NEK10: variants seen among roughly 807,000 people sequenced by gnomAD.
NEK10 encodes the protein serine/threonine-protein kinase Nek10.
A neutral mutation model predicts 159.8 loss-of-function variants in NEK10; 122 were observed. That is an observed-to-expected ratio of 0.76 (90% CI 0.66 to 0.89). The LOEUF is 0.89. NEK10 is among the 40% of genes least tolerant of loss of function. The pLI is 0.00. For synonymous variants in NEK10, 466 were observed against 457.1 expected (o/e 1.02, Z -0.25); for missense variants, 1,342 against 1,323.1 (o/e 1.01, Z -0.22).
chr3:27,362,493 A>C (rs143002623), intron 1 of NEK10, among the ~76,000 whole-genome samples: 123 of 152,174 alleles, frequency 8.1e-4, no homozygotes, highest in African/African-American at 2.8e-3. Context: ...TAGAGTGTCC[A>C]TGGAATTCAA....
chr3:27,116,240 T>C (rs1940407604), intron 33 of NEK10, 113 bp from the exon 34 acceptor site: 3 of 920,206 alleles, frequency 3.3e-6, no homozygotes, highest in Non-Finnish European at 3.4e-6. Context: ...TTCTTAATGA[T>C]AAAGATGGAA....
At chr3:27,243,331 G>C (rs1176706386) in intron 23 of NEK10, among the ~76,000 whole-genome samples, 1 of 152,144 alleles carries the variant, frequency 6.6e-6, no homozygotes, top group Non-Finnish European at 1.5e-5. Context: ...AAGGTCACTT[G>C]GAGTAACTCA....
chr3:27,266,056 C>T (rs966856306), intron 22 of NEK10, among the ~76,000 whole-genome samples: 33 of 152,206 alleles, frequency 2.2e-4, no homozygotes, highest in South Asian at 4.1e-4. Context: ...CCACCTGCCT[C>T]GGCCTCCCAA....
intron 32 of NEK10, among the ~76,000 whole-genome samples, chr3:27,128,748 C>A (rs967525049): frequency 2.1e-4 from 32 of 151,912 alleles, no homozygotes; most frequent in African/African-American, 7.5e-4. Flanking sequence ...CCAGTGGGAG[C>A]CTCTTCAATT....
intron 23 of NEK10, among the ~76,000 whole-genome samples, chr3:27,240,415 T>C (rs1407912030): frequency 1.3e-5 from 2 of 151,624 alleles, no homozygotes; most frequent in African/African-American, 4.8e-5. Flanking sequence ...TAAATAATTA[T>C]GGTGATTTCA....
chr3:27,159,959 G>A (rs1482540763), intron 30 of NEK10, among the ~76,000 whole-genome samples: 3 of 149,828 alleles, frequency 2.0e-5, no homozygotes, highest in Admixed American at 1.4e-4. Context: ...CTCTGATTTT[G>A]GCAAAATTCT....
chr3:27,254,855 G>A (rs542544188), intron 23 of NEK10, among the ~76,000 whole-genome samples: 42 of 151,372 alleles, frequency 2.8e-4, no homozygotes, highest in Non-Finnish European at 5.6e-4. Context: ...CGCTAATACG[G>A]CAAAAAAGTT....
intron 22 of NEK10, among the ~76,000 whole-genome samples, chr3:27,263,354 G>A (rs1051327295): frequency 2.0e-5 from 3 of 152,178 alleles, no homozygotes; most frequent in African/African-American, 7.2e-5. Flanking sequence ...TGTCAGACAG[G>A]GACATTTAAG....
intron 25 of NEK10, chr3:27,194,443 CAG>C (rs1354214816): frequency 6.6e-6 from 1 of 152,100 alleles, no homozygotes; most frequent in African/African-American, 2.4e-5. Flanking sequence ...GCAACTGAAT[CAG>C]AGTCATAATA....
At chr3:27,217,277 G>A (rs931523113) in intron 23 of NEK10, among the ~76,000 whole-genome samples, 15 of 152,100 alleles carry the variant, frequency 9.9e-5, no homozygotes, top group African/African-American at 3.6e-4. Flanking sequence ...CTCTCGCATT[G>A]CTATAAAGAA....
chr3:27,220,066 T>C (rs545033544), intron 23 of NEK10, among the ~76,000 whole-genome samples: 1 of 152,322 alleles, frequency 6.6e-6, no homozygotes, highest in East Asian at 1.9e-4. Flanking sequence ...GAAAAAAGTT[T>C]TTTAAAAAAG....
intron 23 of NEK10, among the ~76,000 whole-genome samples, chr3:27,247,399 T>C (rs1955181219): frequency 6.6e-6 from 1 of 152,226 alleles, no homozygotes; most frequent in Non-Finnish European, 1.5e-5. Flanking sequence ...GTTGTTGTCC[T>C]CCAGTCTGTT....
chr3:27,131,729 C>T (rs1042740436), intron 32 of NEK10, 151 bp downstream of exon 32: 18 of 411,470 alleles, frequency 4.4e-5, no homozygotes, highest in African/African-American at 3.5e-4. Flanking sequence ...AAATCAGAAG[C>T]AAAGACATAT....
chr3:27,278,603 T>C, intron 22 of NEK10: 1 of 671,798 alleles, frequency 1.5e-6, no homozygotes, highest in Non-Finnish European at 1.8e-6. Context: ...GTTTGCAAGA[T>C]GAACATGTGA....
chr3:27,297,667 A>T (rs950018790), intron 13 of NEK10, among the ~76,000 whole-genome samples: 1 of 152,240 alleles, frequency 6.6e-6, no homozygotes, highest in African/African-American at 2.4e-5. Context: ...ATGCACTGTG[A>T]TTACCACTGT....
chr3:27,143,568 C>T lies in NEK10; in HGVS notation c.2870-1986G>A, dbSNP rs189410458. 2.1e-4 allele frequency: 133 copies of T among 636,824 alleles called. No individual in the cohort carries two copies. In the African/African-American group the frequency reaches 2.2e-3, roughly 11 times the overall value. 39.4% of individuals were successfully genotyped at this position (636,824 alleles called of 1,614,324 possible). A position where few individuals can be genotyped will look rare whatever the true frequency, so the allele number is the denominator to read the frequency against. On this transcript the variant is annotated intron_variant, in intron 30 of 35. Coordinates refer to ENST00000691995, the MANE Select transcript of NEK10 (RefSeq NM_001394966.1). ...AACTCAAAAATTATTTTTATTGAGA[C>T]CCTTTGACCACTACCCTCACAATCC...
intron 6 of NEK10, among the ~76,000 whole-genome samples, chr3:27,317,954 C>T (rs1037634662): frequency 1.3e-5 from 2 of 152,160 alleles, no homozygotes; most frequent in Non-Finnish European, 2.9e-5. Flanking sequence ...AGGCGCCCGC[C>T]ACCACGCCCG....
chr3:27,356,550 T>G (rs1000929341), intron 1 of NEK10, among the ~76,000 whole-genome samples: 4 of 152,162 alleles, frequency 2.6e-5, no homozygotes, highest in African/African-American at 9.7e-5. Flanking sequence ...GTCTGTAGTA[T>G]TCTATCATAG....
At chr3:27,304,607 T>A in intron 12 of NEK10, 140 bp downstream of exon 12, 1 of 638,652 alleles carries the variant, frequency 1.6e-6, no homozygotes, top group Non-Finnish European at 2.9e-6. Context: ...CAAGTCTAGA[T>A]GACTTTGGAA....
Sources: gnomAD v4.1 joint callset for allele counts (sites outside exome capture counted in the v4.1 genomes callset) on GRCh38, gnomAD v4.1.1 for gene constraint, MANE v1.5 for transcripts, NCBI Gene and HGNC (gene_info 2026-07-23, HGNC 2026-07-21) for gene names.